Variants in MALRD1 observed in about 807,000 individuals in gnomAD.
MALRD1 encodes the protein MAM and LDL receptor class A domain containing 1, also known as MAM and LDL-receptor class A domain-containing protein 1.
In MALRD1, 247 loss-of-function variants were observed where a neutral mutation model predicts 242.1. The observed-to-expected ratio is 1.02, with a 90% confidence interval of 0.92 to 1.13. The LOEUF (loss-of-function observed/expected upper bound fraction) is 1.13, where lower values mean the gene tolerates loss of function less well. Ranked by LOEUF, MALRD1 falls within the 50% of genes most tolerant of loss-of-function variation. MALRD1 has a pLI of 0.00. For synonymous variants in MALRD1, 995 were observed against 866.6 expected, an observed-to-expected ratio of 1.15 and a Z score of -2.60; for missense variants, 2,989 against 2,533.1, an observed-to-expected ratio of 1.18 and a Z score of -3.86.
intron 28 of MALRD1, among the ~76,000 whole-genome samples, chr10:19,409,981 G>A (rs7920764): frequency 0.74 from 111,873 of 151,968 alleles, 41,812 homozygotes; most frequent in African/African-American, 0.85. Context: ...CATGACATAT[G>A]TTTAGATCTG....
At chr10:19,340,511 C>T (rs1843801331) in intron 24 of MALRD1, among the ~76,000 whole-genome samples, 1 of 151,986 alleles carries the variant, frequency 6.6e-6, no homozygotes, top group South Asian at 2.1e-4. Context: ...CAAATCCAGA[C>T]ATGAAAGTAA....
chr10:19,202,005 G>C (rs766859251), intron 14 of MALRD1, among the ~76,000 whole-genome samples: 2 of 151,746 alleles, frequency 1.3e-5, no homozygotes, highest in Non-Finnish European at 2.9e-5. Context: ...TAGTAGAGAC[G>C]GGGTTTCACC....
chr10:19,088,157 T>C lies in MALRD1; in HGVS notation c.569T>C (p.Ile190Thr). The change falls in exon 4 of 40, where the codon ATC (isoleucine) becomes ACC (threonine). Residue 190 changes from isoleucine to threonine, a missense_variant. Transcript: ENST00000454679. ...CCAAATCAGTGGGAGAGAAATGTCA[T>C]CAAAATCCAGAGTTCACAGAGATTT... ...ALPNQWERNV[I>T]KIQSSQRFQV... 1 of 1,233,448 alleles carries C rather than the reference T, an allele frequency of 8.1e-7. No individual in the cohort carries two copies. Among genetic ancestry groups the C allele is most frequent in the African/African-American group, 1.5e-5 (1 of 64,570 alleles). 76.4% of individuals were successfully genotyped at this position (1,233,448 alleles called of 1,614,324 possible).
rs74915353 is a variant in MALRD1, at chr10:19,702,351, G to A, written c.6314+9797G>A. ...ATATGACTATTCATGCCCTCTGCCTGGCAGAGCTATTCAACCGCACATATA... is the reference window on the plus strand; with the variant it reads ...ATATGACTATTCATGCCCTCTGCCTAGCAGAGCTATTCAACCGCACATATA... On this transcript the variant is annotated intron_variant, in intron 38 of 39. Coordinates refer to ENST00000454679, the MANE Select transcript of MALRD1 (RefSeq NM_001142308.3). Among the ~76,000 whole-genome samples the A allele has an allele frequency of 1.8e-3, 267 of 152,222 alleles. 2 individuals carry two copies. The highest frequency in any genetic ancestry group is 0.017 in the Middle Eastern group (5 of 294).
chr10:19,407,545 T>C (rs1465951161), intron 28 of MALRD1, among the ~76,000 whole-genome samples: 1 of 151,790 alleles, frequency 6.6e-6, no homozygotes, highest in African/African-American at 2.4e-5. Context: ...ATAGACAAAT[T>C]GACAAAAGAC....
At chr10:19,088,477 C>A (rs1048014264) in intron 4 of MALRD1, among the ~76,000 whole-genome samples, 4 of 149,118 alleles carry the variant, frequency 2.7e-5, no homozygotes, top group Non-Finnish European at 5.9e-5. Context: ...CTCCTAATTT[C>A]TTGAACCCCC....
chr10:19,165,266 T>TATA (rs1554801500), intron 12 of MALRD1, among the ~76,000 whole-genome samples: 100 of 116,262 alleles, frequency 8.6e-4, no homozygotes, highest in African/African-American at 3.2e-3. Flanking sequence ...TATATATATA[T>TATA]TTTGTTTTGT....
At chr10:19,686,698 A>G (rs779591780) in intron 36 of MALRD1, among the ~76,000 whole-genome samples, 20 of 152,106 alleles carry the variant, frequency 1.3e-4, no homozygotes, top group Non-Finnish European at 2.5e-4. Flanking sequence ...TGCCCTGTTA[A>G]TATCTGACTA....
chr10:19,236,641 G>C (rs1838328513), intron 18 of MALRD1, among the ~76,000 whole-genome samples: 1 of 152,086 alleles, frequency 6.6e-6, no homozygotes, highest in East Asian at 1.9e-4. Flanking sequence ...GAAAATAATT[G>C]TATATCCCAT....
At chr10:19,120,750 G>A (rs769230833) in intron 5 of MALRD1, among the ~76,000 whole-genome samples, 1 of 152,008 alleles carries the variant, frequency 6.6e-6, no homozygotes, top group Non-Finnish European at 1.5e-5. Context: ...ACACTTTTTT[G>A]TTGTTGTTGT....
At chr10:19,311,455 T>G (rs1842419595) in intron 21 of MALRD1, among the ~76,000 whole-genome samples, 1 of 151,450 alleles carries the variant, frequency 6.6e-6, no homozygotes, top group African/African-American at 2.4e-5. Flanking sequence ...ATTTTCTAAC[T>G]GAACATTTGC....
intron 26 of MALRD1, among the ~76,000 whole-genome samples, chr10:19,366,982 T>A (rs4747372): frequency 0.64 from 97,006 of 151,652 alleles, 31,517 homozygotes; most frequent in African/African-American, 0.75. Flanking sequence ...GCATTTAAAA[T>A]TTTTTTAAAT....
chr10:19,283,800 T>C (rs2499065), intron 21 of MALRD1, among the ~76,000 whole-genome samples: 59,229 of 152,066 alleles, frequency 0.39, 11,708 homozygotes, highest in East Asian at 0.51. Flanking sequence ...GATTTCCCAG[T>C]TAATTTCACG....
intron 31 of MALRD1, among the ~76,000 whole-genome samples, chr10:19,524,604 G>C (rs556328662): frequency 8.5e-5 from 13 of 152,164 alleles, no homozygotes; most frequent in Non-Finnish European, 1.5e-4. Flanking sequence ...AATTATGGAG[G>C]ATGCAGAGGC....
At chr10:19,251,940 C>T (rs866594012) in intron 18 of MALRD1, among the ~76,000 whole-genome samples, 11 of 151,886 alleles carry the variant, frequency 7.2e-5, no homozygotes, top group Non-Finnish European at 1.5e-4. Flanking sequence ...CCTCCTACTC[C>T]AGCCATGTAG....
At chr10:19,236,233 A>G (rs7076451) in intron 18 of MALRD1, among the ~76,000 whole-genome samples, 7,489 of 152,252 alleles carry the variant, frequency 0.049, 225 homozygotes, top group Middle Eastern at 0.078. Context: ...TGCTGTAGCA[A>G]TCAGTTCTGC....
At chr10:19,514,152 A>G (rs1833527454) in intron 31 of MALRD1, among the ~76,000 whole-genome samples, 1 of 152,200 alleles carries the variant, frequency 6.6e-6, no homozygotes, top group South Asian at 2.1e-4. Context: ...TAAAGATCTT[A>G]TTACAGTTTA....
intron 18 of MALRD1, among the ~76,000 whole-genome samples, chr10:19,245,854 A>G (rs1839019751): frequency 6.6e-6 from 1 of 152,222 alleles, no homozygotes; most frequent in Admixed American, 6.5e-5. Flanking sequence ...GAATGTCACA[A>G]TATATTTTAA....
intron 2 of MALRD1, among the ~76,000 whole-genome samples, chr10:19,081,026 T>C (rs2358295): frequency 0.54 from 81,992 of 151,870 alleles, 22,306 homozygotes; most frequent in Middle Eastern, 0.61. Context: ...CTCAACATCA[T>C]TGATTAGTAG....
Sources: allele counts gnomAD v4.1 joint callset (sites outside exome capture counted in the v4.1 genomes callset), GRCh38; gene constraint gnomAD v4.1.1; transcripts MANE v1.5; gene names NCBI Gene and HGNC (gene_info 2026-07-23, HGNC 2026-07-21).